BIN3: variants seen among roughly 807,000 people sequenced by gnomAD.
The protein encoded by BIN3 is bridging integrator 3.
Under a neutral mutation model 38.2 loss-of-function variants are expected in BIN3, and 41 were observed. The ratio of observed to expected loss-of-function variants is 1.07; its 90% CI spans 0.84 to 1.39. The LOEUF (loss-of-function observed/expected upper bound fraction) is 1.39. BIN3 is among the 40% of genes most tolerant of loss of function. The pLI, the probability that BIN3 is intolerant of heterozygous loss-of-function variation, is 0.00. For synonymous variants in BIN3, 145 were observed against 122.6 expected (o/e 1.18, Z -1.21); for missense variants, 361 against 324.3 (o/e 1.11, Z -0.87).
At chr8:22,641,565 C>A (rs186374405) in intron 2 of BIN3, among the ~76,000 whole-genome samples, 1 of 152,172 alleles carries the variant, frequency 6.6e-6, no homozygotes, top group African/African-American at 2.4e-5. Context: ...TTCTGGGAAG[C>A]CCCTCCTTCA....
Position 22,629,975 on chromosome 8 carries a change from C to A in BIN3, c.327G>T (p.Glu109Asp). The A allele has an allele frequency of 6.2e-7, 1 of 1,609,070 alleles. No homozygotes were observed. The highest frequency in any genetic ancestry group is 8.5e-7 in the Non-Finnish European group (1 of 1,177,516). ...KVNQIQKTVIEPLKKFGSVFP... is the reference protein window; with the variant it reads ...KVNQIQKTVIDPLKKFGSVFP... ...TGACATTTACTCACTTTTTTAAGGG[C>A]TCGATCACAGTCTTCTGGATCTGGT... is the stretch of plus-strand genomic sequence containing the variant. Residue 109 changes from glutamate to aspartate, a missense_variant, in exon 6 of 9, where the codon GAG (glutamate) becomes GAT (aspartate). Glu to Asp is a conservative substitution (Grantham distance 45). Transcript: ENST00000276416.
At position 22,638,639 on chromosome 8, in the gene BIN3, C is replaced by T. The variant is rs117879375; in HGVS notation, c.58-1677G>A. On this transcript the variant is annotated intron_variant, in intron 2 of 8. Coordinates refer to ENST00000276416, the MANE Select transcript of BIN3 (RefSeq NM_018688.6). ...AGAGTTGAACACAGAGTCTGCTTAG[C>T]TCTGGCTCTCTGGGCATGACAACAG... Among the ~76,000 whole-genome samples the T allele has an allele frequency of 1.8e-4, 27 of 152,312 alleles. No individual in the cohort carries two copies. The East Asian group carries it at 4.4e-3, about 25-fold the overall frequency.
intron 1 of BIN3, among the ~76,000 whole-genome samples, chr8:22,668,512 T>A (rs1278954247): frequency 1.3e-5 from 2 of 152,202 alleles, no homozygotes; most frequent in Admixed American, 6.5e-5. Flanking sequence ...GAAGGGTGTG[T>A]GCGGAGTGTA....
Position 22,663,984 on chromosome 8 carries a change from C to G in BIN3, c.8+5060G>C, listed in dbSNP as rs57473537. On this transcript the variant is annotated intron_variant, in intron 1 of 8. Transcript: ENST00000276416. ...AAGATAGAGATCGACTCATGCAAGTCTTTTAAATGTTCCTCAACATTTAGC... is the reference window on the plus strand; with the variant it reads ...AAGATAGAGATCGACTCATGCAAGTGTTTTAAATGTTCCTCAACATTTAGC... Among the ~76,000 whole-genome samples, 488 of 152,346 alleles carry G rather than the reference C, an allele frequency of 3.2e-3. 1 individual carries two copies. The highest frequency in any genetic ancestry group is 0.01 in the African/African-American group (421 of 41,572).
At chr8:22,661,862 C>T (rs1347360719) in intron 1 of BIN3, among the ~76,000 whole-genome samples, 1 of 152,160 alleles carries the variant, frequency 6.6e-6, no homozygotes, top group East Asian at 1.9e-4. Context: ...ATGATCTCAG[C>T]TCACTGCAAT....
At chr8:22,642,572 C>T (rs995948090) in intron 2 of BIN3, among the ~76,000 whole-genome samples, 4 of 152,220 alleles carry the variant, frequency 2.6e-5, no homozygotes, top group Non-Finnish European at 5.9e-5. Flanking sequence ...GTCAAATCAA[C>T]CAGCTTCCTG....
chr8:22,666,428 A>G (rs59560179), intron 1 of BIN3, among the ~76,000 whole-genome samples: 43,476 of 149,504 alleles, frequency 0.29, 7,420 homozygotes, highest in East Asian at 0.6. Context: ...GGGAGAGAAA[A>G]AGAGAGCGAG....
chr8:22,625,631 A>T, intron 6 of BIN3: 1 of 551,768 alleles, frequency 1.8e-6, no homozygotes. Flanking sequence ...TCTCTCACCC[A>T]GGCTGGAGTA....
intron 4 of BIN3, among the ~76,000 whole-genome samples, chr8:22,634,826 G>A: frequency 6.6e-6 from 1 of 152,292 alleles, no homozygotes; most frequent in Non-Finnish European, 1.5e-5. Flanking sequence ...GGGGCATGGG[G>A]AGGCTTCGCT....
chr8:22,655,257 T>C (rs1167886080), intron 1 of BIN3, among the ~76,000 whole-genome samples: 2 of 152,196 alleles, frequency 1.3e-5, no homozygotes, highest in Admixed American at 1.3e-4. Flanking sequence ...TGGTGTCCTT[T>C]GAAGCAGAAA....
intron 1 of BIN3, among the ~76,000 whole-genome samples, chr8:22,648,942 AGTGT>A (rs771584455): frequency 7.0e-5 from 8 of 115,034 alleles, no homozygotes; most frequent in South Asian, 5.8e-4. Context: ...TATGTATGTA[AGTGT>A]GTGTGTGTAT....
In BIN3 at chr8:22,669,023, C is replaced by T. The variant is rs1398326101; in HGVS notation, c.8+21G>A. 7.6e-6 allele frequency: 12 copies of T among 1,575,896 alleles called. No individual in the cohort carries two copies. The African/African-American group carries it at 9.4e-5, about 12-fold the overall frequency. ...GCGGGTCCGCGGGTCCAGCAGCTCC[C>T]GCCGCCTGGGCCTCACTCACCAGCT... On this transcript the variant is annotated intron_variant, in intron 1 of 8. Coordinates refer to ENST00000276416, the MANE Select transcript of BIN3 (RefSeq NM_018688.6).
chr8:22,629,169 G>A (rs906980945), intron 6 of BIN3, among the ~76,000 whole-genome samples: 4 of 152,224 alleles, frequency 2.6e-5, no homozygotes, highest in Non-Finnish European at 5.9e-5. Context: ...TCATTGCCGT[G>A]TGGGCCCTGG....
At chr8:22,637,078 C>T (rs1802391305) in intron 2 of BIN3, 116 bp from the exon 3 acceptor site, 1 of 864,880 alleles carries the variant, frequency 1.2e-6, no homozygotes, top group Non-Finnish European at 1.9e-6. Flanking sequence ...ACAACATGGT[C>T]CAGTTCACAC....
chr8:22,663,971 G>A (rs529151667), intron 1 of BIN3, among the ~76,000 whole-genome samples: 4 of 152,282 alleles, frequency 2.6e-5, no homozygotes, highest in South Asian at 2.1e-4. Flanking sequence ...GATAGAGATC[G>A]ACTCATGCAA....
chr8:22,625,493 CAGAGTTGAGAGGA>C, intron 6 of BIN3: 1 of 691,142 alleles, frequency 1.4e-6, no homozygotes, highest in Non-Finnish European at 2.6e-6. Flanking sequence ...CATAGGCACT[CAGAGTTGAGAGGA>C]TGCTGGCAGA....
In BIN3 at chr8:22,620,528, C is replaced by G. The variant is rs1212775243; in HGVS notation, c.*894G>C. 6.6e-6 allele frequency: 1 copy of G among 151,844 alleles called. No individual in the cohort carries two copies. Among genetic ancestry groups the G allele is most frequent in the Non-Finnish European group, 1.5e-5 (1 of 67,972 alleles). The allele number at this position is 151,844 out of a possible 1,614,324, so 9.4% of individuals were successfully genotyped here. ...TCTCCTAGGCTTGCCCGCGTGCCCT[C>G]CCACCCAGCGCCTCTGCTGGACCAC... On this transcript the variant is annotated 3_prime_UTR_variant, in exon 9 of 9. Transcript: ENST00000276416.
intron 6 of BIN3, 171 bp downstream of exon 6, chr8:22,629,793 G>T: frequency 1.5e-6 from 1 of 682,308 alleles, no homozygotes. Flanking sequence ...GAGCCCCCAG[G>T]AGCATGGACG....
intron 2 of BIN3, among the ~76,000 whole-genome samples, chr8:22,640,583 G>C (rs533526896): frequency 3.7e-4 from 56 of 152,236 alleles, no homozygotes; most frequent in Admixed American, 7.8e-4. Flanking sequence ...TTAAAACTAA[G>C]CACTACTTGG....
Sources: gnomAD v4.1 joint callset for allele counts (sites outside exome capture counted in the v4.1 genomes callset) on GRCh38, gnomAD v4.1.1 for gene constraint, MANE v1.5 for transcripts, NCBI Gene and HGNC (gene_info 2026-07-23, HGNC 2026-07-21) for gene names.